DOCK9: variants seen among roughly 807,000 people sequenced by gnomAD.
DOCK9 encodes the protein dedicator of cytokinesis 9.
Under a neutral mutation model 263.3 loss-of-function variants are expected in DOCK9, and 89 were observed. That is an observed-to-expected ratio of 0.34 (90% confidence interval 0.28 to 0.40). The LOEUF is 0.40. Ranked by LOEUF, DOCK9 falls within the 10% of genes least tolerant of loss-of-function variation. The pLI is 1.00. For missense variants in DOCK9, 2,140 were observed against 2,603.4 expected (o/e 0.82, Z 3.87); for synonymous variants, 976 against 973.1 (o/e 1.00, Z -0.06).
At chr13:98,975,054 A>G (rs1672035682) in intron 1 of DOCK9, among the ~76,000 whole-genome samples, 1 of 152,238 alleles carries the variant, frequency 6.6e-6, no homozygotes, top group Non-Finnish European at 1.5e-5. Context: ...CAATTATAGT[A>G]CAGACCTAAA....
At chr13:99,032,268 C>T (rs1595946661) in intron 1 of DOCK9, among the ~76,000 whole-genome samples, 1 of 151,960 alleles carries the variant, frequency 6.6e-6, no homozygotes, top group South Asian at 2.1e-4. Flanking sequence ...CTCAGGAGTT[C>T]GAAACCAGCC....
chr13:98,851,418 CG>C (rs1329543286), intron 35 of DOCK9, among the ~76,000 whole-genome samples: 1 of 152,152 alleles, frequency 6.6e-6, no homozygotes, highest in Non-Finnish European at 1.5e-5. Context: ...GGTGAGCCCC[CG>C]GGGAGCTCAG....
At chr13:98,992,395 G>A (rs1042860301) in intron 1 of DOCK9, among the ~76,000 whole-genome samples, 1 of 152,176 alleles carries the variant, frequency 6.6e-6, no homozygotes, top group African/African-American at 2.4e-5. Context: ...GAGCTACCAT[G>A]AGCCTCCCCT....
intron 1 of DOCK9, among the ~76,000 whole-genome samples, chr13:99,038,428 C>T (rs1279299144): frequency 1.3e-5 from 2 of 151,134 alleles, no homozygotes; most frequent in Admixed American, 1.3e-4. Context: ...CCTCAGCCTC[C>T]CGAGTAGCTG....
chr13:99,030,067 A>G (rs1043827777), intron 1 of DOCK9, among the ~76,000 whole-genome samples: 1 of 152,260 alleles, frequency 6.6e-6, no homozygotes, highest in Admixed American at 6.5e-5. Flanking sequence ...AATGTTCAGA[A>G]AAGGCAAATC....
intron 15 of DOCK9, among the ~76,000 whole-genome samples, chr13:98,889,232 G>A (rs562482898): frequency 2.0e-5 from 3 of 152,238 alleles, no homozygotes; most frequent in South Asian, 2.1e-4. Context: ...GAACTTTGGC[G>A]ACTTGTGGGA....
intron 15 of DOCK9, among the ~76,000 whole-genome samples, chr13:98,893,629 A>C (rs797001689): frequency 3.9e-5 from 6 of 152,328 alleles, no homozygotes; most frequent in African/African-American, 1.4e-4. Context: ...AATTTTTTTC[A>C]TGCATTATTA....
Position 98,845,999 on chromosome 13 carries a change from G to A in DOCK9, c.4123C>T (p.Arg1375Cys), listed in dbSNP as rs371745794. The change falls in exon 38 of 53, where the codon CGT (arginine) becomes TGT (cysteine). Residue 1375 changes from arginine to cysteine, a missense_variant. Arg to Cys is a radical substitution (Grantham distance 180, BLOSUM62 -3). Transcript: ENST00000682017. Reference protein sequence around the residue: ...DRKSQTLPVSRNRTGMMHARL... With the variant: ...DRKSQTLPVSCNRTGMMHARL... ...GCATGCATCATTCCTGTTCTGTTAC[G>A]GGAAACAGGCAATGTCTGAGACTTT... 6.4e-5 allele frequency: 103 copies of A among 1,610,304 alleles called. No homozygotes were observed. The highest frequency in any genetic ancestry group is 7.6e-5 in the Non-Finnish European group (90 of 1,178,410).
chr13:98,956,130 C>CA (rs990328167), intron 1 of DOCK9, among the ~76,000 whole-genome samples: 1 of 152,184 alleles, frequency 6.6e-6, no homozygotes, highest in Non-Finnish European at 1.5e-5. Flanking sequence ...GGGTCACAGC[C>CA]AGGGGGGCAG....
intron 1 of DOCK9, among the ~76,000 whole-genome samples, chr13:99,085,835 G>A (rs1208236889): frequency 6.6e-6 from 1 of 150,734 alleles, no homozygotes; most frequent in African/African-American, 2.4e-5. Context: ...GAAGGAGAGG[G>A]AGGCCGGGGG....
intron 45 of DOCK9, among the ~76,000 whole-genome samples, chr13:98,820,091 A>G (rs1440357206): frequency 6.6e-6 from 1 of 152,240 alleles, no homozygotes; most frequent in Non-Finnish European, 1.5e-5. Context: ...CTTCCTAGGG[A>G]AAATGCAAGG....
chr13:99,087,865 G>A (rs1343715288), upstream of DOCK9: 3 of 152,296 alleles, frequency 2.0e-5, no homozygotes, highest in African/African-American at 7.2e-5. Flanking sequence ...GCAGAGAGTG[G>A]TGGTCTTGAA....
intron 38 of DOCK9, among the ~76,000 whole-genome samples, chr13:98,841,341 A>G (rs947372929): frequency 5.9e-5 from 9 of 152,218 alleles, no homozygotes; most frequent in Non-Finnish European, 1.2e-4. Flanking sequence ...AAAGGCCCCA[A>G]GTGAAAATAC....
At chr13:99,087,510 C>T (rs932432346), upstream of DOCK9, among the ~76,000 whole-genome samples, 1 of 152,154 alleles carries the variant, frequency 6.6e-6, no homozygotes, top group African/African-American at 2.4e-5. Context: ...GCTTGCGAGC[C>T]CACCGTGACG....
At chr13:98,876,978 A>C (rs1175660203) in intron 27 of DOCK9, among the ~76,000 whole-genome samples, 1 of 152,074 alleles carries the variant, frequency 6.6e-6, no homozygotes, top group Non-Finnish European at 1.5e-5. Flanking sequence ...ACTTCTAAAA[A>C]CTCTCTGAAT....
chr13:98,925,490 C>A (rs2052788131), intron 4 of DOCK9, among the ~76,000 whole-genome samples: 2 of 152,042 alleles, frequency 1.3e-5, no homozygotes, highest in South Asian at 4.2e-4. Flanking sequence ...TCAAAATATT[C>A]TTTTCAAGGA....
At position 98,794,609 on chromosome 13, in the gene DOCK9, C is replaced by T. The variant is rs572111372; in HGVS notation, c.*17G>A. On this transcript the variant is annotated 3_prime_UTR_variant, in exon 53 of 53. Coordinates refer to ENST00000682017, the MANE Select transcript of DOCK9 (RefSeq NM_001366683.2). Reference sequence around the variant, plus strand: ...AAATGACAAAGCAAGTCCCCACACACGGGCCATGAGATGTAATCACACGAC... The same window carrying T: ...AAATGACAAAGCAAGTCCCCACACATGGGCCATGAGATGTAATCACACGAC... 6.6e-5 allele frequency: 104 copies of T among 1,569,470 alleles called. No individual in the cohort carries two copies. In the African/African-American group the frequency reaches 1.1e-3, roughly 17 times the overall value.
At chr13:98,985,319 TC>T (rs1878199115) in intron 1 of DOCK9, among the ~76,000 whole-genome samples, 5 of 151,780 alleles carry the variant, frequency 3.3e-5, no homozygotes, top group Admixed American at 3.3e-4. Flanking sequence ...CTCCCCCATT[TC>T]CCGGCCTTCA....
chr13:98,931,667 G>A (rs1443327869), intron 2 of DOCK9, among the ~76,000 whole-genome samples: 4 of 151,712 alleles, frequency 2.6e-5, no homozygotes, highest in East Asian at 1.9e-4. Context: ...GCATGATCTC[G>A]GCTCACTGCA....
Sources: gnomAD v4.1 joint callset for allele counts (sites outside exome capture counted in the v4.1 genomes callset) on GRCh38, gnomAD v4.1.1 for gene constraint, MANE v1.5 for transcripts, NCBI Gene and HGNC (gene_info 2026-07-23, HGNC 2026-07-21) for gene names.